Variants in DICER1 observed in about 807,000 individuals in gnomAD.
DICER1 encodes the protein endoribonuclease Dicer.
Under a neutral mutation model 194.1 loss-of-function variants are expected in DICER1, and 43 were observed. That is an observed-to-expected ratio of 0.22 (90% CI 0.17 to 0.29). The LOEUF is 0.29. Ranked by LOEUF, DICER1 falls within the 10% of genes least tolerant of loss-of-function variation. The pLI is 1.00. For synonymous variants in DICER1, 832 were observed against 820.5 expected (o/e 1.01, Z -0.24); for missense variants, 1,608 against 2,317.0 (o/e 0.69, Z 6.28).
chr14:95,120,143 C>A (rs1019243063), intron 8 of DICER1, among the ~76,000 whole-genome samples: 19 of 152,152 alleles, frequency 1.2e-4, no homozygotes, highest in Non-Finnish European at 2.4e-4. Context: ...GAAATTCCTG[C>A]CAGGTTATTG....
intron 4 of DICER1, 86 bp downstream of exon 4, chr14:95,131,423 C>T: frequency 7.4e-7 from 1 of 1,343,026 alleles, no homozygotes; most frequent in Non-Finnish European, 1.1e-6. Flanking sequence ...AAACCTAAAT[C>T]AGACAACCAA....
intron 1 of DICER1, among the ~76,000 whole-genome samples, chr14:95,139,944 A>G (rs898203707): frequency 6.6e-6 from 1 of 152,222 alleles, no homozygotes; most frequent in Non-Finnish European, 1.5e-5. Flanking sequence ...TTAAAATTCC[A>G]ACAGGTAATC....
intron 8 of DICER1, among the ~76,000 whole-genome samples, chr14:95,121,031 A>C (rs946320102): frequency 3.9e-5 from 6 of 152,172 alleles, no homozygotes; most frequent in Non-Finnish European, 7.3e-5. Flanking sequence ...GGTTGATACC[A>C]TGAGAGCCCC....
At chr14:95,119,414 G>C (rs183501162) in intron 8 of DICER1, among the ~76,000 whole-genome samples, 1 of 152,136 alleles carries the variant, frequency 6.6e-6, no homozygotes, top group African/African-American at 2.4e-5. Flanking sequence ...AGAGAAAAAT[G>C]TATTTATCTA....
intron 1 of DICER1, among the ~76,000 whole-genome samples, chr14:95,147,452 A>G (rs1895210837): frequency 6.6e-6 from 1 of 152,186 alleles, no homozygotes; most frequent in South Asian, 2.1e-4. Context: ...TGTCTCTAGA[A>G]TGAATGAATT....
At chr14:95,103,316 A>C in intron 21 of DICER1, 30 bp downstream of exon 21, 1 of 1,607,356 alleles carries the variant, frequency 6.2e-7, no homozygotes. Context: ...TGAATAATTA[A>C]CTGCTCAAAA....
rs753974932 is a variant in DICER1 at position 95,124,553 on chromosome 14, A to G, written c.1019T>C (p.Leu340Pro). Residue 340 changes from leucine (L) to proline (P), a missense_variant, in exon 8 of 27, where the codon CTG becomes CCG. Around this residue, in one of 10 missense-constraint regions of DICER1, gnomAD observed 657 missense variants for 910.1 expected, o/e 0.72. Transcript: ENST00000343455. This position sits in a 1 kb window ranked among gnomAD's most constrained non-coding sequence, Gnocchi z 4.5. ...QKYIKHEQEE[L>P]HRKFLLFTDT... ...TGTAAACAATAAAAATTTCCTGTGC[A>G]GCTCCTCTTGCTCATGTTTGATGTA... 3 of 1,613,932 alleles carry G rather than the reference A, an allele frequency of 1.9e-6. No individual in the cohort carries two copies. The highest frequency in any genetic ancestry group is 1.1e-5 in the South Asian group (1 of 91,088).
At chr14:95,117,378 A>G (rs1467810467) in intron 9 of DICER1, among the ~76,000 whole-genome samples, 1 of 152,232 alleles carries the variant, frequency 6.6e-6, no homozygotes, top group African/African-American at 2.4e-5. Flanking sequence ...ATCACAGAAA[A>G]TAAGTTGGTT....
intron 8 of DICER1, among the ~76,000 whole-genome samples, chr14:95,121,346 G>A (rs1267393236): frequency 1.3e-5 from 2 of 152,108 alleles, no homozygotes; most frequent in African/African-American, 4.8e-5. Flanking sequence ...TGAAAAAGAG[G>A]ACATTAGTAG....
At chr14:95,156,791 C>T (rs1486603084) in intron 1 of DICER1, among the ~76,000 whole-genome samples, 1 of 152,162 alleles carries the variant, frequency 6.6e-6, no homozygotes, top group African/African-American at 2.4e-5. Flanking sequence ...CGCGGCACAG[C>T]GGCCCCATCA....
intron 17 of DICER1, 46 bp from the exon 18 acceptor site, chr14:95,106,269 A>G (rs777121057): frequency 1.4e-6 from 2 of 1,414,796 alleles, no homozygotes; most frequent in African/African-American, 2.8e-5. Context: ...TTTGATTTAA[A>G]TCAACTATTC....
rs1310013634 is a variant in DICER1, at chr14:95,088,247, C to CA, written c.*2250dup. On this transcript the variant is annotated 3_prime_UTR_variant, in exon 27 of 27. Transcript: ENST00000343455. ...CTAAGTTTGAACATCTTAGTATTAACAAAAAAATACTCTTCTTAAGGTTAC... is the reference window on the plus strand; with the variant it reads ...CTAAGTTTGAACATCTTAGTATTAACAAAAAAAATACTCTTCTTAAGGTTAC... 2.6e-5 allele frequency: 6 copies of CA among 231,692 alleles called. No homozygotes were observed. Among genetic ancestry groups the CA allele is most frequent in the Middle Eastern group, 1.3e-3 (1 of 796 alleles). 14.4% of individuals were successfully genotyped at this position (231,692 alleles called of 1,614,324 possible).
At chr14:95,144,655 A>G (rs534210988) in intron 1 of DICER1, among the ~76,000 whole-genome samples, 1 of 152,200 alleles carries the variant, frequency 6.6e-6, no homozygotes, top group East Asian at 1.9e-4. Context: ...TAGAAAATGC[A>G]TTCTCATATA....
chr14:95,099,294 A>T (rs996860233), intron 22 of DICER1, among the ~76,000 whole-genome samples: 4 of 151,598 alleles, frequency 2.6e-5, no homozygotes, highest in Non-Finnish European at 5.9e-5. Flanking sequence ...AACAATCTTT[A>T]TGGATGATTT....
At chr14:95,126,418 C>T (rs1192551414) in intron 7 of DICER1, among the ~76,000 whole-genome samples, 162 bp downstream of exon 7, 1 of 152,152 alleles carries the variant, frequency 6.6e-6, no homozygotes, top group African/African-American at 2.4e-5. Flanking sequence ...TAACAATGAA[C>T]TCAACCTAAT....
At chr14:95,117,127 C>G (rs1892544850) in intron 9 of DICER1, among the ~76,000 whole-genome samples, 1 of 151,724 alleles carries the variant, frequency 6.6e-6, no homozygotes, top group Admixed American at 6.6e-5. Flanking sequence ...AGCATCTTTA[C>G]AATGCTGTTT....
intron 2 of DICER1, among the ~76,000 whole-genome samples, 187 bp from the exon 3 acceptor site, chr14:95,132,864 A>G (rs534180111): frequency 1.3e-5 from 2 of 152,370 alleles, no homozygotes; most frequent in South Asian, 2.1e-4. Context: ...TGCCTGCTAT[A>G]TACAGCTGTA....
In DICER1 at chr14:95,094,324, T is replaced by C. The variant is rs1431762108; in HGVS notation, c.5096-168A>G. Among the ~76,000 whole-genome samples, 5 of 152,234 alleles carry C rather than the reference T, an allele frequency of 3.3e-5. No homozygotes were observed. In the East Asian group the frequency reaches 9.6e-4, roughly 29 times the overall value. On this transcript the variant is annotated intron_variant, in intron 23 of 26. Coordinates refer to ENST00000343455, the MANE Select transcript of DICER1 (RefSeq NM_177438.3). ...ATCATACTAAAAAGCCTCTGGAAAC[T>C]AAATTTTAATGACAAATTAAGTACA...
Position 95,103,750 on chromosome 14 carries a change from AG to A in DICER1, c.3645del (p.Ser1216HisfsTer23). The A allele has an allele frequency of 6.2e-7, 1 of 1,614,152 alleles. No homozygotes were observed. The highest frequency in any genetic ancestry group is 8.5e-7 in the Non-Finnish European group (1 of 1,180,024). ...CTGTATAAATTCTGAATGGAATATG[AG>A]GTAGTTGGTTGCACGGGTATTTCCT... ...YKQEIPVQPT[T>X]SYSIQNLYSY... On this transcript the variant is annotated frameshift_variant, in exon 21 of 27. Transcript: ENST00000343455. LOFTEE classifies it high-confidence loss of function.
Sources: allele counts gnomAD v4.1 joint callset (sites outside exome capture counted in the v4.1 genomes callset), GRCh38; gene constraint gnomAD v4.1.1; regional missense constraint gnomAD v4.1.1; non-coding constraint Gnocchi (gnomAD v3.1); transcripts MANE v1.5; gene names NCBI Gene and HGNC (gene_info 2026-07-23, HGNC 2026-07-21).